Variants in ANKRD29 observed in about 807,000 individuals in gnomAD.
ANKRD29 encodes ankyrin repeat domain 29.
Under a neutral mutation model 38.0 loss-of-function variants are expected in ANKRD29, and 32 were observed. The observed-to-expected ratio is 0.84, with a 90% CI of 0.64 to 1.13. The LOEUF (loss-of-function observed/expected upper bound fraction) is 1.13, where lower values mean the gene tolerates loss of function less well. Among genes scored for constraint, ANKRD29 ranks in the 50% most tolerant of loss-of-function variants. The pLI, the probability that ANKRD29 is intolerant of heterozygous loss-of-function variation, is 0.00. For synonymous variants in ANKRD29, 135 were observed against 152.4 expected, an observed-to-expected ratio of 0.89 and a Z score of 0.84; for missense variants, 357 against 377.9, an observed-to-expected ratio of 0.94 and a Z score of 0.46.
chr18:23,639,816 A>C (rs2060050243), intron 3 of ANKRD29, among the ~76,000 whole-genome samples: 1 of 152,186 alleles, frequency 6.6e-6, no homozygotes. Context: ...GATTACAGGC[A>C]TGAGCCACTG....
chr18:23,623,688 G>A (rs1028834922), intron 6 of ANKRD29, among the ~76,000 whole-genome samples: 4 of 151,902 alleles, frequency 2.6e-5, no homozygotes, highest in Admixed American at 1.3e-4. Flanking sequence ...TGTCGCCCAG[G>A]CTGGAGTGCA....
At chr18:23,624,785 G>A (rs759322614) in intron 6 of ANKRD29, among the ~76,000 whole-genome samples, 52 of 152,124 alleles carry the variant, frequency 3.4e-4, no homozygotes, top group Admixed American at 3.9e-4. Flanking sequence ...TTCGAGTACC[G>A]ATGGATGGCT....
At chr18:23,616,595 C>CTA (rs1194528446) in intron 8 of ANKRD29, among the ~76,000 whole-genome samples, 22 of 131,848 alleles carry the variant, frequency 1.7e-4, no homozygotes, top group African/African-American at 6.5e-4. Flanking sequence ...TATATATATA[C>CTA]TATATATACT....
intron 6 of ANKRD29, among the ~76,000 whole-genome samples, chr18:23,621,828 C>T (rs757387097): frequency 6.6e-6 from 1 of 152,140 alleles, no homozygotes; most frequent in East Asian, 1.9e-4. Flanking sequence ...GTGTGCACCA[C>T]CATGCCCAGC....
intron 2 of ANKRD29, chr18:23,647,444 T>A (rs548328087): frequency 6.6e-6 from 1 of 152,374 alleles, no homozygotes; most frequent in South Asian, 2.1e-4. Context: ...GTGAAAGTCT[T>A]GTTGGCTTTA....
intron 1 of ANKRD29, among the ~76,000 whole-genome samples, chr18:23,654,808 G>A (rs982346765): frequency 6.6e-6 from 1 of 151,924 alleles, no homozygotes; most frequent in Non-Finnish European, 1.5e-5. Flanking sequence ...TACACTTCCA[G>A]AAATTGTACA....
chr18:23,654,403 T>C (rs2060251689), intron 1 of ANKRD29, among the ~76,000 whole-genome samples: 1 of 151,820 alleles, frequency 6.6e-6, no homozygotes, highest in African/African-American at 2.4e-5. Context: ...GCAGATCACT[T>C]GAGCTCAGGA....
rs547079935 is a variant in ANKRD29 at position 23,659,899 on chromosome 18, T to A, written c.21+2811A>T. ...CCCGAGGCAGGCAGATTACCTGAGG[T>A]CAGGAGTTCAAGACCAGCCTGGCCA... On this transcript the variant is annotated intron_variant, in intron 1 of 9. Coordinates refer to ENST00000592179, the MANE Select transcript of ANKRD29 (RefSeq NM_173505.4). Among the ~76,000 whole-genome samples the A allele has an allele frequency of 9.9e-5, 15 of 151,958 alleles. No homozygotes were observed. The South Asian group carries it at 3.1e-3, about 32-fold the overall frequency.
intron 3 of ANKRD29, among the ~76,000 whole-genome samples, chr18:23,640,644 C>A (rs2060061809): frequency 6.6e-6 from 1 of 152,074 alleles, no homozygotes; most frequent in East Asian, 1.9e-4. Context: ...TTTTTAGCAT[C>A]CTCCCTTCCT....
intron 4 of ANKRD29, among the ~76,000 whole-genome samples, chr18:23,638,598 C>G (rs1219479432): frequency 1.3e-5 from 2 of 152,142 alleles, no homozygotes; most frequent in African/African-American, 4.8e-5. Context: ...GGTATCAGTT[C>G]AGGAAAGGAT....
chr18:23,662,819 G>C lies in ANKRD29; in HGVS notation c.-89C>G. The stretch of plus-strand genomic sequence containing the variant: ...CCTTCACTCTCCCGGGGCTCTCGGC[G>C]TTCCGCAGAGGGGCGGCCTCCGACG... On this transcript the variant is annotated 5_prime_UTR_variant, in exon 1 of 10. Coordinates refer to ENST00000592179, the MANE Select transcript of ANKRD29 (RefSeq NM_173505.4). 3 of 1,187,778 alleles carry C rather than the reference G, an allele frequency of 2.5e-6. No homozygotes were observed. Among genetic ancestry groups the C allele is most frequent in the Non-Finnish European group, 3.2e-6 (3 of 950,392 alleles). 73.6% of individuals were successfully genotyped at this position (1,187,778 alleles called of 1,614,324 possible).
intron 3 of ANKRD29, among the ~76,000 whole-genome samples, chr18:23,641,634 G>C (rs568126917): frequency 6.6e-6 from 1 of 152,246 alleles, no homozygotes; most frequent in Non-Finnish European, 1.5e-5. Flanking sequence ...CCTGGGTGCC[G>C]TGGATGGCAT....
chr18:23,625,603 A>T (rs944385851), intron 6 of ANKRD29, among the ~76,000 whole-genome samples: 16 of 152,180 alleles, frequency 1.1e-4, no homozygotes, highest in Admixed American at 3.9e-4. Context: ...TTGGAATAGG[A>T]ATGATAATAA....
In ANKRD29 at chr18:23,617,847, T is replaced by C; in HGVS notation, c.628-20A>G. 3.1e-6 allele frequency: 5 copies of C among 1,599,730 alleles called. No individual in the cohort carries two copies. Among genetic ancestry groups the C allele is most frequent in the Non-Finnish European group, 3.4e-6 (4 of 1,167,742 alleles). On this transcript the variant is annotated intron_variant, in intron 7 of 9. Transcript: ENST00000592179. ...GCCATCCTTAACAGAAAGAGGAAAA[T>C]AAAAGTTGATTATTAACATATATCT...
intron 6 of ANKRD29, among the ~76,000 whole-genome samples, chr18:23,626,167 A>C (rs910114325): frequency 6.6e-6 from 1 of 152,094 alleles, no homozygotes; most frequent in Non-Finnish European, 1.5e-5. Flanking sequence ...TCACCCCTCT[A>C]AGCTTCCGAC....
chr18:23,638,712 T>C, intron 4 of ANKRD29, 137 bp downstream of exon 4: 1 of 692,316 alleles, frequency 1.4e-6, no homozygotes, highest in Non-Finnish European at 2.3e-6. Context: ...CAAGTAACCT[T>C]GAGGAAATCC....
intron 1 of ANKRD29, among the ~76,000 whole-genome samples, chr18:23,659,659 C>T (rs2060330287): frequency 6.6e-6 from 1 of 151,558 alleles, no homozygotes; most frequent in South Asian, 2.1e-4. Flanking sequence ...AGGAGAATTG[C>T]TTGAACCCGG....
chr18:23,606,163 G>A (rs2145631522), intron 9 of ANKRD29, among the ~76,000 whole-genome samples: 1 of 152,314 alleles, frequency 6.6e-6, no homozygotes, highest in East Asian at 1.9e-4. Context: ...AGGCTGGAGT[G>A]CAGTGGCACA....
At position 23,660,805 on chromosome 18, in the gene ANKRD29, C is replaced by CCAAA. The variant is rs907148137; in HGVS notation, c.21+1901_21+1904dup. 6.6e-5 allele frequency among the ~76,000 whole-genome samples: 10 copies of CCAAA among 152,138 alleles called. No individual in the cohort carries two copies. The East Asian group carries it at 9.6e-4, about 15-fold the overall frequency. On this transcript the variant is annotated intron_variant, in intron 1 of 9. Coordinates refer to ENST00000592179, the MANE Select transcript of ANKRD29 (RefSeq NM_173505.4). ...CTGGGTGACAAGAGCAAGACTTTGT[C>CCAAA]CAAACAAACAAACAAACTAACAAAA... is the stretch of plus-strand genomic sequence containing the variant.
Sources: gnomAD v4.1 joint callset for allele counts (sites outside exome capture counted in the v4.1 genomes callset) on GRCh38, gnomAD v4.1.1 for gene constraint, MANE v1.5 for transcripts, NCBI Gene and HGNC (gene_info 2026-07-23, HGNC 2026-07-21) for gene names.